COL23A1: variants seen among roughly 807,000 people sequenced by gnomAD.
COL23A1 encodes collagen type XXIII alpha 1 chain, also known as collagen alpha-1(XXIII) chain.
In COL23A1, 97 loss-of-function variants were observed where a neutral mutation model predicts 99.3. The ratio of observed to expected loss-of-function variants is 0.98; its 90% CI spans 0.83 to 1.16. COL23A1 has a LOEUF of 1.16. COL23A1 is among the 50% of genes most tolerant of loss of function. COL23A1 has a pLI of 0.00. For synonymous variants in COL23A1, 320 were observed against 308.2 expected (o/e 1.04, Z -0.40); for missense variants, 762 against 757.4 (o/e 1.01, Z -0.07).
In COL23A1 at chr5:178,520,057, GTGGA is replaced by G. The variant is rs572272226; in HGVS notation, c.361+40621_361+40624del. On this transcript the variant is annotated intron_variant, in intron 2 of 28. Coordinates refer to ENST00000390654, the MANE Select transcript of COL23A1 (RefSeq NM_173465.4). ...GGTCAGATGATGGACAGATGCATGG[GTGGA>G]TGGATGGATGGATGGATAGATGGAG... is the stretch of plus-strand genomic sequence containing the variant. Among the ~76,000 whole-genome samples the G allele has an allele frequency of 1.4e-4, 21 of 152,140 alleles. No homozygotes were observed. The East Asian group carries it at 2.3e-3, about 17-fold the overall frequency.
At chr5:178,460,449 A>G (rs1479066988) in intron 2 of COL23A1, among the ~76,000 whole-genome samples, 1 of 151,800 alleles carries the variant, frequency 6.6e-6, no homozygotes, top group Non-Finnish European at 1.5e-5. Context: ...TGTCAAGTGG[A>G]GAAAATAATC....
rs780613578 is a variant in COL23A1 at position 178,249,714 on chromosome 5, ACACTCTCT to A, written c.1059+339_1059+346del. ...CACACACACACACACACACACACAC[ACACTCTCT>A]CTCTCTCTCTCTCTCTCTCTCTCTC... On this transcript the variant is annotated intron_variant, in intron 18 of 28. Transcript: ENST00000390654. Among the ~76,000 whole-genome samples the A allele has an allele frequency of 3.1e-3, 366 of 116,266 alleles. 1 individual carries two copies. The highest frequency in any genetic ancestry group is 0.021 in the South Asian group (68 of 3,238). 76.3% of individuals were successfully genotyped at this position (116,266 alleles called of 152,430 possible).
chr5:178,547,168 G>A lies in COL23A1; in HGVS notation c.361+13514C>T, dbSNP rs183201813. Among the ~76,000 whole-genome samples, 17 of 152,152 alleles carry A rather than the reference G, an allele frequency of 1.1e-4. 1 individual carries two copies. In the South Asian group the frequency reaches 2.7e-3, roughly 24 times the overall value. On this transcript the variant is annotated intron_variant, in intron 2 of 28. Transcript: ENST00000390654. The stretch of plus-strand genomic sequence containing the variant: ...ATTTCCCCGTAGGGAATACATTTCC[G>A]TGACACTGAGTGGCAAGTACCCCGA...
chr5:178,283,751 G>A (rs1757019095), intron 5 of COL23A1, among the ~76,000 whole-genome samples: 1 of 152,194 alleles, frequency 6.6e-6, no homozygotes, highest in African/African-American at 2.4e-5. Flanking sequence ...CAAAGTTCAG[G>A]CAAGATTAAG....
intron 7 of COL23A1, 91 bp from the exon 8 acceptor site, chr5:178,267,424 C>T: frequency 1.6e-6 from 2 of 1,289,646 alleles, no homozygotes; most frequent in Non-Finnish European, 1.1e-6. Context: ...GCTTCATAGA[C>T]ATGGTATGAC....
chr5:178,282,923 T>C (rs562348546), intron 5 of COL23A1, among the ~76,000 whole-genome samples: 21 of 152,196 alleles, frequency 1.4e-4, no homozygotes, highest in Admixed American at 1.0e-3. Flanking sequence ...CAGGTTGGAG[T>C]GCAGTGGCGT....
chr5:178,355,533 T>C (rs1311174536), intron 2 of COL23A1, among the ~76,000 whole-genome samples: 6 of 152,076 alleles, frequency 3.9e-5, no homozygotes, highest in Non-Finnish European at 8.8e-5. Flanking sequence ...AGAAAAGAGG[T>C]TTGTTTTTAT....
chr5:178,265,758 G>C (rs771421357), intron 8 of COL23A1: 2 of 964,816 alleles, frequency 2.1e-6, no homozygotes, highest in Non-Finnish European at 2.5e-6. Flanking sequence ...TGGTCAGAAA[G>C]GCAGGAAGGT....
intron 2 of COL23A1, among the ~76,000 whole-genome samples, chr5:178,323,208 G>C (rs991125349): frequency 7.2e-5 from 11 of 152,172 alleles, no homozygotes; most frequent in Admixed American, 1.3e-4. Flanking sequence ...CTGTGGTCCT[G>C]GAGGGCAGGG....
In COL23A1 at chr5:178,340,938, G is replaced by C. The variant is rs1271982876; in HGVS notation, c.362-34019C>G. 2.6e-5 allele frequency among the ~76,000 whole-genome samples: 4 copies of C among 152,238 alleles called. No homozygotes were observed. The highest frequency in any genetic ancestry group is 9.6e-5 in the African/African-American group (4 of 41,466). On this transcript the variant is annotated intron_variant, in intron 2 of 28. Transcript: ENST00000390654. The surrounding 1 kb of genome is among the most constrained non-coding windows in gnomAD (Gnocchi z 4.7). Reference sequence around the variant, plus strand: ...AGGGGTGGCTGTCCTGCCAGGCAGAGATCAGCTGGTTTAGACCTCATACTG... The same window carrying C: ...AGGGGTGGCTGTCCTGCCAGGCAGACATCAGCTGGTTTAGACCTCATACTG...
Position 178,246,473 on chromosome 5 carries a change from A to T in COL23A1, c.1297-20T>A. 2 of 1,556,704 alleles carry T rather than the reference A, an allele frequency of 1.3e-6. No homozygotes were observed. Among genetic ancestry groups the T allele is most frequent in the Non-Finnish European group, 1.7e-6 (2 of 1,149,538 alleles). ...CAAGCCCTGGAGGCAAAGGAGGGAA[A>T]TCAGTCAAGGGGAAGGGGTTAGACA... On this transcript the variant is annotated intron_variant, in intron 22 of 28. Coordinates refer to ENST00000390654, the MANE Select transcript of COL23A1 (RefSeq NM_173465.4).
chr5:178,518,949 C>T (rs1475387620), intron 2 of COL23A1, among the ~76,000 whole-genome samples: 3 of 147,388 alleles, frequency 2.0e-5, no homozygotes, highest in African/African-American at 7.5e-5. Context: ...TGCGGTCGGT[C>T]GCGGCAGCGG....
chr5:178,350,317 C>A (rs893107227), intron 2 of COL23A1, among the ~76,000 whole-genome samples: 1 of 152,312 alleles, frequency 6.6e-6, no homozygotes, highest in East Asian at 1.9e-4. Flanking sequence ...CATCAGCTCA[C>A]CCTCTGACAG....
chr5:178,342,086 C>G (rs1760703290), intron 2 of COL23A1, among the ~76,000 whole-genome samples: 1 of 152,204 alleles, frequency 6.6e-6, no homozygotes, highest in Non-Finnish European at 1.5e-5. Context: ...GTGTTATCAT[C>G]TCCTCAGTGC....
intron 2 of COL23A1, among the ~76,000 whole-genome samples, chr5:178,495,868 C>T (rs1758173745): frequency 6.6e-6 from 1 of 152,130 alleles, no homozygotes; most frequent in Non-Finnish European, 1.5e-5. Flanking sequence ...TCTTTTAGTC[C>T]TCATGACAAC....
chr5:178,524,882 C>A (rs1760224433), intron 2 of COL23A1, among the ~76,000 whole-genome samples: 1 of 152,248 alleles, frequency 6.6e-6, no homozygotes, highest in Non-Finnish European at 1.5e-5. Context: ...ATTCATTCAA[C>A]AGCTGTCTGG....
At chr5:178,554,943 T>C (rs1762188755) in intron 2 of COL23A1, among the ~76,000 whole-genome samples, 1 of 152,140 alleles carries the variant, frequency 6.6e-6, no homozygotes, top group Admixed American at 6.5e-5. Flanking sequence ...TTCCAGGACT[T>C]TTCATCTTTC....
At chr5:178,316,508 C>T (rs933555060) in intron 2 of COL23A1, among the ~76,000 whole-genome samples, 1 of 152,152 alleles carries the variant, frequency 6.6e-6, no homozygotes, top group African/African-American at 2.4e-5. Context: ...CAGTTCTTTC[C>T]TTAGATAATT....
At chr5:178,253,852 A>G (rs1765166608) in intron 16 of COL23A1, among the ~76,000 whole-genome samples, 1 of 151,924 alleles carries the variant, frequency 6.6e-6, no homozygotes, top group Admixed American at 6.6e-5. Context: ...CTGAGTCGGC[A>G]TCTCAGTCTG....
Sources: allele counts gnomAD v4.1 joint callset (sites outside exome capture counted in the v4.1 genomes callset), GRCh38; gene constraint gnomAD v4.1.1; non-coding constraint Gnocchi (gnomAD v3.1); transcripts MANE v1.5; gene names NCBI Gene and HGNC (gene_info 2026-07-23, HGNC 2026-07-21).